The following C12orf42 variants were observed in gnomAD, a reference collection of about 807,000 sequenced individuals.
C12orf42 encodes uncharacterized protein C12orf42.
C12orf42 carries 25 observed loss-of-function variants against 21.6 expected under a neutral mutation model. The observed-to-expected ratio is 1.16, with a 90% CI of 0.84 to 1.62. The LOEUF (loss-of-function observed/expected upper bound fraction) is 1.62, where lower values mean the gene tolerates loss of function less well. Ranked by LOEUF, C12orf42 falls within the 40% of genes most tolerant of loss-of-function variation. The pLI, the probability that C12orf42 is intolerant of heterozygous loss-of-function variation, is 0.00. For synonymous variants in C12orf42, 174 were observed against 175.0 expected (o/e 0.99, Z 0.05); for missense variants, 483 against 459.3 (o/e 1.05, Z -0.47).
At chr12:103,291,544 G>C (rs1364461932) in intron 4 of C12orf42, among the ~76,000 whole-genome samples, 1 of 152,138 alleles carries the variant, frequency 6.6e-6, no homozygotes, top group Non-Finnish European at 1.5e-5. Flanking sequence ...ACAGATAGCT[G>C]ACTAGCTATA....
chr12:103,440,367 C>T (rs1016003716), intron 2 of C12orf42, among the ~76,000 whole-genome samples: 6 of 140,706 alleles, frequency 4.3e-5, no homozygotes, highest in Admixed American at 1.5e-4. Context: ...ATGTAACTAA[C>T]CTGCACAATG....
chr12:103,158,610 G>A, the C12orf42 span, among the ~76,000 whole-genome samples: 1 of 152,138 alleles, frequency 6.6e-6, no homozygotes, highest in Non-Finnish European at 1.5e-5. Flanking sequence ...GCTAGGTGTG[G>A]TGGCTCATGC....
At chr12:103,450,795 T>C (rs1215159295) in intron 2 of C12orf42, among the ~76,000 whole-genome samples, 1 of 152,090 alleles carries the variant, frequency 6.6e-6, no homozygotes, top group Non-Finnish European at 1.5e-5. Flanking sequence ...TTTCTTGAAA[T>C]AAAAGTAGAT....
At chr12:103,531,977 G>C in the C12orf42 span, among the ~76,000 whole-genome samples, 40 of 152,270 alleles carry the variant, frequency 2.6e-4, no homozygotes, top group East Asian at 7.1e-3. Context: ...GGCAGACTCT[G>C]CTGCAATGGC....
chr12:103,414,186 G>C (rs1299937171), intron 2 of C12orf42, among the ~76,000 whole-genome samples: 1 of 152,056 alleles, frequency 6.6e-6, no homozygotes, highest in Non-Finnish European at 1.5e-5. Context: ...TCTTGCAGGA[G>C]TAAGGTGGCA....
chr12:103,202,489 G>GA, the C12orf42 span, among the ~76,000 whole-genome samples: 1 of 152,158 alleles, frequency 6.6e-6, no homozygotes, highest in Admixed American at 6.5e-5. Context: ...CCACTTAACA[G>GA]AAGACCATTG....
the C12orf42 span, among the ~76,000 whole-genome samples, chr12:103,225,509 CTT>C: frequency 4.2e-4 from 64 of 151,936 alleles, no homozygotes; most frequent in African/African-American, 1.5e-3. Flanking sequence ...GTAGAGGTAT[CTT>C]ATATTTGTGG....
chr12:103,266,908 A>C (rs1297691931), downstream of C12orf42, among the ~76,000 whole-genome samples: 1 of 152,188 alleles, frequency 6.6e-6, no homozygotes, highest in Non-Finnish European at 1.5e-5. Context: ...AAGGTCAGAC[A>C]GTGATTATTT....
the C12orf42 span, among the ~76,000 whole-genome samples, chr12:103,112,435 G>A: frequency 2.0e-5 from 3 of 152,062 alleles, no homozygotes; most frequent in African/African-American, 2.4e-5. Context: ...CGAGGCAGGC[G>A]GATCACCTGA....
the C12orf42 span, among the ~76,000 whole-genome samples, chr12:103,127,421 G>A: frequency 4.6e-5 from 7 of 151,974 alleles, no homozygotes; most frequent in Admixed American, 1.3e-4. Context: ...ACAAAACTGT[G>A]GTCTATAACA....
chr12:103,460,681 G>A lies in C12orf42; in HGVS notation c.78+17668C>T, dbSNP rs1202501771. Among the ~76,000 whole-genome samples the A allele has an allele frequency of 2.0e-5, 3 of 152,098 alleles. No individual in the cohort carries two copies. In the East Asian group the frequency reaches 5.8e-4, roughly 29 times the overall value. ...CACTTAGTAAATGTTTTTGGATGGAGAATTTCTATGAAAAAATGTGTTTTG... is the reference window on the plus strand; with the variant it reads ...CACTTAGTAAATGTTTTTGGATGGAAAATTTCTATGAAAAAATGTGTTTTG... On this transcript the variant is annotated intron_variant, in intron 2 of 5. Coordinates refer to ENST00000548883, the MANE Select transcript of C12orf42 (RefSeq NM_198521.5).
chr12:103,521,343 T>C, the C12orf42 span, among the ~76,000 whole-genome samples: 1 of 152,202 alleles, frequency 6.6e-6, no homozygotes, highest in Non-Finnish European at 1.5e-5. Flanking sequence ...TCGAATACTA[T>C]GCAGCCATTT....
At chr12:103,452,040 A>T (rs964531679) in intron 2 of C12orf42, among the ~76,000 whole-genome samples, 2 of 151,942 alleles carry the variant, frequency 1.3e-5, no homozygotes, top group African/African-American at 4.8e-5. Flanking sequence ...TCCACTGAGA[A>T]TTTCTGTTGA....
chr12:103,420,660 G>A (rs865980349), intron 2 of C12orf42, among the ~76,000 whole-genome samples: 2 of 152,164 alleles, frequency 1.3e-5, no homozygotes, highest in Middle Eastern at 3.4e-3. Context: ...CTCCCAAGTA[G>A]CTTGAATTAC....
chr12:103,233,352 C>G (rs2033365180), downstream of C12orf42, among the ~76,000 whole-genome samples: 1 of 152,086 alleles, frequency 6.6e-6, no homozygotes, highest in Non-Finnish European at 1.5e-5. Flanking sequence ...TTGCCAATAT[C>G]CACAAAATAA....
the C12orf42 span, among the ~76,000 whole-genome samples, chr12:103,525,568 ATAT>A: frequency 1.3e-5 from 2 of 152,170 alleles, no homozygotes; most frequent in African/African-American, 4.8e-5. Flanking sequence ...CTGAGGTAAA[ATAT>A]TATTATTAAC....
intron 4 of C12orf42, among the ~76,000 whole-genome samples, chr12:103,281,826 G>GA (rs1041541274): frequency 3.4e-5 from 5 of 149,016 alleles, no homozygotes; most frequent in Admixed American, 1.3e-4. Context: ...CTGCTAGTGT[G>GA]AAAAAAAAGC....
At chr12:103,126,723 T>C in the C12orf42 span, among the ~76,000 whole-genome samples, 2 of 150,384 alleles carry the variant, frequency 1.3e-5, no homozygotes, top group Admixed American at 1.3e-4. Flanking sequence ...AGTTAGATGC[T>C]TATATAACAG....
At chr12:103,553,910 T>C in the C12orf42 span, among the ~76,000 whole-genome samples, 1 of 152,184 alleles carries the variant, frequency 6.6e-6, no homozygotes, top group African/African-American at 2.4e-5. Context: ...CCACTGCTCT[T>C]TCCTTTGCAC....
Sources: allele counts gnomAD v4.1 joint callset (sites outside exome capture counted in the v4.1 genomes callset), GRCh38; gene constraint gnomAD v4.1.1; transcripts MANE v1.5; gene names NCBI Gene and HGNC (gene_info 2026-07-23, HGNC 2026-07-21).